SPTBN1: variants seen among roughly 807,000 people sequenced by gnomAD.
The protein encoded by SPTBN1 is spectrin beta, non-erythrocytic 1.
SPTBN1 carries 32 observed loss-of-function variants against 266.4 expected under a neutral mutation model. The observed-to-expected ratio is 0.12, with a 90% CI of 0.09 to 0.16. SPTBN1 has a LOEUF of 0.16. Among genes scored for constraint, SPTBN1 ranks in the 10% least tolerant of loss-of-function variants. The probability of loss-of-function intolerance (pLI) is 1.00; values close to 1 mark genes in which losing one functional copy is unlikely to be tolerated. For synonymous variants in SPTBN1, 1,336 were observed against 1,162.2 expected (o/e 1.15, Z -3.04); for missense variants, 2,296 against 3,067.1 (o/e 0.75, Z 5.94).
intron 3 of SPTBN1, among the ~76,000 whole-genome samples, chr2:54,610,926 G>A (rs573977875): frequency 5.3e-5 from 8 of 152,188 alleles, no homozygotes; most frequent in Non-Finnish European, 1.2e-4. Flanking sequence ...GAGAGACCAC[G>A]TGGAGATGAT....
In SPTBN1 at chr2:54,554,840, G is replaced by C. The variant is rs1009617452; in HGVS notation, c.148+28274G>C. ...AACCTGTGCACAGAGGACATACTCA[G>C]TTGGGCCCTGCCTTGGAACATCTTC... On this transcript the variant is annotated intron_variant, in intron 2 of 35. Transcript: ENST00000356805. This position sits in a 1 kb window ranked among gnomAD's most constrained non-coding sequence, Gnocchi z 4.5. Among the ~76,000 whole-genome samples the C allele has an allele frequency of 6.6e-6, 1 of 152,134 alleles. No individual in the cohort carries two copies. The highest frequency in any genetic ancestry group is 1.5e-5 in the Non-Finnish European group (1 of 68,036).
intron 2 of SPTBN1, among the ~76,000 whole-genome samples, chr2:54,556,859 C>T (rs933103963): frequency 1.3e-5 from 2 of 152,048 alleles, no homozygotes; most frequent in Non-Finnish European, 2.9e-5. Context: ...AGAAAGAATC[C>T]AGGGTTTCTT....
rs761810693 is a variant in SPTBN1, at chr2:54,655,216, G to C, written c.5961+8G>C. 40 of 1,610,230 alleles carry C rather than the reference G, an allele frequency of 2.5e-5. No individual in the cohort carries two copies. The highest frequency in any genetic ancestry group is 3.3e-5 in the Non-Finnish European group (39 of 1,178,548). ...CACTATGCATCTGAGGAGGTAGGTT[G>C]CTACTTTGCTTTGGAGCTGCAGCTG... On this transcript the variant is annotated splice_region_variant and intron_variant, in intron 28 of 35. Coordinates refer to ENST00000356805, the MANE Select transcript of SPTBN1 (RefSeq NM_003128.3).
chr2:54,667,962 G>A (rs1409793716), intron 35 of SPTBN1, among the ~76,000 whole-genome samples: 3 of 152,134 alleles, frequency 2.0e-5, no homozygotes, highest in African/African-American at 4.8e-5. Flanking sequence ...TGCACCCTTC[G>A]CCAGCAGCCA....
intron 4 of SPTBN1, among the ~76,000 whole-genome samples, chr2:54,613,913 G>A (rs908452648): frequency 1.3e-5 from 2 of 152,202 alleles, no homozygotes; most frequent in South Asian, 2.1e-4. Flanking sequence ...TAATCAGAGC[G>A]TGGAAGGCCA....
chr2:54,610,565 A>G (rs1162543257), intron 3 of SPTBN1, among the ~76,000 whole-genome samples: 2 of 152,204 alleles, frequency 1.3e-5, no homozygotes, highest in Non-Finnish European at 2.9e-5. Context: ...GCACCCAGCC[A>G]AACGCTGCAT....
At position 54,647,222 on chromosome 2, in the gene SPTBN1, A is replaced by G. The variant is rs756344811; in HGVS notation, c.4958A>G (p.Lys1653Arg). 6.2e-7 allele frequency: 1 copy of G among 1,614,134 alleles called. No homozygotes were observed. The highest frequency in any genetic ancestry group is 8.5e-7 in the Non-Finnish European group (1 of 1,180,036). ...DYAETVHQLS[K>R]TSRALVADSH... ...GCAGAGACCGTGCATCAGCTCTCCA[A>G]GACCAGCCGGGCCCTGGTGGCCGAC... The change falls in exon 24 of 36, where the codon AAG (lysine) becomes AGG (arginine). Residue 1653 changes from lysine (K) to arginine (R), a missense_variant. By Grantham distance (26) the Lys-to-Arg change is conservative. This residue lies in a region of SPTBN1 where 644 missense variants were observed against 745.3 expected (regional missense o/e 0.86). Transcript: ENST00000356805.
rs1572699879 is a variant in SPTBN1, at chr2:54,623,541, A to G, written c.1127A>G (p.Asn376Ser). The stretch of plus-strand genomic sequence containing the variant: ...ACCATTCAGAGCAAGATGAGGGCCA[A>G]CAACCAGAAGGTCTACATGCCCCGG... ...LFTIQSKMRA[N>S]NQKVYMPREG... Residue 376 changes from asparagine (N) to serine (S), a missense_variant, in exon 10 of 36, where the codon AAC (asparagine) becomes AGC (serine). Coordinates refer to ENST00000356805, the MANE Select transcript of SPTBN1 (RefSeq NM_003128.3). 1.2e-6 allele frequency: 2 copies of G among 1,614,216 alleles called. No individual in the cohort carries two copies. Among genetic ancestry groups the G allele is most frequent in the Non-Finnish European group, 1.7e-6 (2 of 1,180,028 alleles).
intron 17 of SPTBN1, among the ~76,000 whole-genome samples, chr2:54,633,893 T>C (rs1456142982): frequency 6.6e-6 from 1 of 152,218 alleles, no homozygotes; most frequent in Non-Finnish European, 1.5e-5. Flanking sequence ...ATTCCCAGGC[T>C]GAACTATATG....
In SPTBN1 at chr2:54,655,961, C is replaced by T. The variant is rs947576575; in HGVS notation, c.6009C>T (p.Ile2003=). The T allele has an allele frequency of 6.2e-6, 10 of 1,613,264 alleles. No individual in the cohort carries two copies. The highest frequency in any genetic ancestry group is 1.3e-5 in the African/African-American group (1 of 74,872). The change falls in exon 29 of 36, where the codon ATC becomes ATT. Residue 2003 remains isoleucine (I), a synonymous_variant. Transcript: ENST00000356805. ...TGACGGAAAAGAGGAAAGAAATGAT[C>T]GACAAGTGGGAAGACCGATGGGAAT... ...LQLTEKRKEM[I]DKWEDRWEWL... is the part of the protein sequence containing the mutation.
chr2:54,503,437 A>G (rs1350850067), intron 1 of SPTBN1, among the ~76,000 whole-genome samples: 1 of 152,198 alleles, frequency 6.6e-6, no homozygotes, highest in Non-Finnish European at 1.5e-5. Flanking sequence ...GTGTGGGAAC[A>G]AGATGCTCTT....
At chr2:54,650,269 A>G (rs1292509637) in intron 26 of SPTBN1, among the ~76,000 whole-genome samples, 4 of 152,258 alleles carry the variant, frequency 2.6e-5, no homozygotes, top group African/African-American at 9.6e-5. Flanking sequence ...GGCCTCAGCA[A>G]GTGTTTTTAT....
At chr2:54,614,884 A>G (rs1361355949) in intron 4 of SPTBN1, among the ~76,000 whole-genome samples, 1 of 152,164 alleles carries the variant, frequency 6.6e-6, no homozygotes, top group East Asian at 1.9e-4. Context: ...TCTTCATTTC[A>G]GAAGGGTAGG....
At position 54,632,699 on chromosome 2, in the gene SPTBN1, G is replaced by A. The variant is rs755681149; in HGVS notation, c.3698G>A (p.Arg1233Gln). The change falls in exon 17 of 36, where the codon CGG (arginine) becomes CAG (glutamine). Residue 1233 changes from arginine (R) to glutamine (Q), a missense_variant. Arg to Gln is a conservative substitution (Grantham distance 43, BLOSUM62 1). Coordinates refer to ENST00000356805, the MANE Select transcript of SPTBN1 (RefSeq NM_003128.3). ...EKINAVVETG[R>Q]RLVSDGNINS... is the part of the protein sequence containing the mutation. ...ATCAATGCTGTGGTGGAGACTGGCC[G>A]GAGGCTGGTGAGCGATGGGAACATC... 17 of 1,614,066 alleles carry A rather than the reference G, an allele frequency of 1.1e-5. No homozygotes were observed. The highest frequency in any genetic ancestry group is 1.7e-5 in the Admixed American group (1 of 59,996).
intron 1 of SPTBN1, among the ~76,000 whole-genome samples, chr2:54,458,576 TG>T (rs1294970238): frequency 1.3e-5 from 2 of 152,192 alleles, no homozygotes; most frequent in Non-Finnish European, 2.9e-5. Context: ...CAGCTGTGAC[TG>T]GGGAGAGGGT....
At chr2:54,520,354 G>A (rs1250850441) in intron 1 of SPTBN1, 2 of 152,166 alleles carry the variant, frequency 1.3e-5, no homozygotes, top group African/African-American at 2.4e-5. Flanking sequence ...TAACATTCCA[G>A]TTTCTTTCCT....
Position 54,558,040 on chromosome 2 carries a change from C to A in SPTBN1, c.148+31474C>A. ...CCCTTGGGGCTCTTCACTCTCCAGG[C>A]CGTCCCGTGGGCGCGCTAGCCTTTT... is the stretch of plus-strand genomic sequence containing the variant. On this transcript the variant is annotated intron_variant, in intron 2 of 35. Transcript: ENST00000356805. This position sits in a 1 kb window ranked among gnomAD's most constrained non-coding sequence, Gnocchi z 4.6. 2 of 985,438 alleles carry A rather than the reference C, an allele frequency of 2.0e-6. No homozygotes were observed. The highest frequency in any genetic ancestry group is 9.4e-5 in the South Asian group (2 of 21,290). The allele number at this position is 985,438 out of a possible 1,614,324, so 61.0% of individuals were successfully genotyped here.
intron 2 of SPTBN1, among the ~76,000 whole-genome samples, chr2:54,549,819 A>T (rs1672461891): frequency 1.3e-5 from 2 of 152,346 alleles, no homozygotes; most frequent in Admixed American, 6.5e-5. Flanking sequence ...GGCCAAGAGC[A>T]GAGGCATGGA....
Position 54,649,682 on chromosome 2 carries a change from C to G in SPTBN1, c.5270C>G (p.Thr1757Arg). 3 of 1,614,074 alleles carry G rather than the reference C, an allele frequency of 1.9e-6. No homozygotes were observed. The highest frequency in any genetic ancestry group is 2.5e-6 in the Non-Finnish European group (3 of 1,179,956). Residue 1757 changes from threonine (T) to arginine (R), a missense_variant, in exon 26 of 36, where the codon ACG (threonine) becomes AGG (arginine). This residue lies in a region of SPTBN1 where 644 missense variants were observed against 745.3 expected (regional missense o/e 0.86). Coordinates refer to ENST00000356805, the MANE Select transcript of SPTBN1 (RefSeq NM_003128.3). The surrounding 1 kb of genome is among the most constrained non-coding windows in gnomAD (Gnocchi z 6.7). ...AACATTGGGCAGGAGCGCGTGGACA[C>G]GGTCAATCACCTGGCAGATGAGCTC... The part of the protein sequence containing the change: ...TGNIGQERVD[T>R]VNHLADELIN...
Sources: allele counts gnomAD v4.1 joint callset (sites outside exome capture counted in the v4.1 genomes callset), GRCh38; gene constraint gnomAD v4.1.1; regional missense constraint gnomAD v4.1.1; non-coding constraint Gnocchi (gnomAD v3.1); transcripts MANE v1.5; gene names NCBI Gene and HGNC (gene_info 2026-07-23, HGNC 2026-07-21).